Variants in TOMM20L observed in about 807,000 individuals in gnomAD.
The protein encoded by TOMM20L is TOMM20-like protein 1.
Under a neutral mutation model 20.4 loss-of-function variants are expected in TOMM20L, and 19 were observed. That is an observed-to-expected ratio of 0.93 (90% confidence interval 0.65 to 1.36). TOMM20L has a LOEUF of 1.36. Ranked by LOEUF, TOMM20L falls within the 40% of genes most tolerant of loss-of-function variation. The pLI is 0.00. For missense variants in TOMM20L, 218 were observed against 203.7 expected (o/e 1.07, Z -0.43); for synonymous variants, 75 against 79.6 (o/e 0.94, Z 0.30).
At chr14:58,399,920 A>ATATATC (rs2035972643) in intron 2 of TOMM20L, among the ~76,000 whole-genome samples, 1 of 138,444 alleles carries the variant, frequency 7.2e-6, no homozygotes, top group Non-Finnish European at 1.6e-5. Flanking sequence ...ATATATATAT[A>ATATATC]TATATATATT....
At chr14:58,407,275 C>T in intron 3 of TOMM20L, 51 bp from the exon 4 acceptor site, 1 of 1,523,216 alleles carries the variant, frequency 6.6e-7, no homozygotes, top group Non-Finnish European at 8.8e-7. Flanking sequence ...TGTAGAATGT[C>T]TGTTTTAAAG....
downstream of TOMM20L, among the ~76,000 whole-genome samples, chr14:58,412,981 A>G (rs1009533176): frequency 2.0e-5 from 3 of 152,174 alleles, no homozygotes; most frequent in Non-Finnish European, 4.4e-5. Flanking sequence ...AAATTACTTA[A>G]CTATTCCACT....
intron 4 of TOMM20L, among the ~76,000 whole-genome samples, chr14:58,408,119 T>C (rs1295295956): frequency 2.6e-5 from 4 of 152,038 alleles, no homozygotes; most frequent in African/African-American, 4.8e-5. Flanking sequence ...TATACGAAAA[T>C]GTAGGTAAGA....
At chr14:58,408,425 A>AG in intron 4 of TOMM20L, 104 bp from the exon 5 acceptor site, 1 of 1,108,794 alleles carries the variant, frequency 9.0e-7, no homozygotes, top group Admixed American at 2.4e-5. Flanking sequence ...CTCAAAAAAA[A>AG]AAAAAAAGAA....
chr14:58,408,894 G>T, downstream of TOMM20L: 1 of 1,269,658 alleles, frequency 7.9e-7, no homozygotes, highest in Non-Finnish European at 1.1e-6. Flanking sequence ...TTCTCCAGCG[G>T]TTTCCATTTG....
chr14:58,397,036 G>A (rs1340888941), intron 2 of TOMM20L, among the ~76,000 whole-genome samples: 2 of 152,238 alleles, frequency 1.3e-5, no homozygotes, highest in Admixed American at 1.3e-4. Context: ...GGCAGTTGCA[G>A]CCTGGGCGAC....
intron 2 of TOMM20L, among the ~76,000 whole-genome samples, chr14:58,399,711 G>A (rs1004919085): frequency 4.6e-5 from 7 of 151,370 alleles, no homozygotes; most frequent in Non-Finnish European, 8.8e-5. Flanking sequence ...TCACCTTAGT[G>A]TGTCCCGAAG....
downstream of TOMM20L, chr14:58,409,291 G>C (rs2036132273): frequency 1.9e-6 from 2 of 1,076,390 alleles, no homozygotes; most frequent in East Asian, 2.7e-5. Flanking sequence ...GAATTAAATA[G>C]TACTAATTGG....
At chr14:58,411,521 A>G (rs1009896893), downstream of TOMM20L, among the ~76,000 whole-genome samples, 1 of 151,652 alleles carries the variant, frequency 6.6e-6, no homozygotes, top group African/African-American at 2.4e-5. Flanking sequence ...AATAGAAACA[A>G]TTGTTTTGTG....
intron 2 of TOMM20L, 100 bp downstream of exon 2, chr14:58,396,441 C>G: frequency 2.3e-6 from 3 of 1,326,760 alleles, no homozygotes; most frequent in Admixed American, 2.0e-5. Flanking sequence ...TAGTTAGTTC[C>G]CTCAGCCGCC....
At position 58,395,957 on chromosome 14, in the gene TOMM20L, G is replaced by A; in HGVS notation, c.-1G>A. 7.0e-7 allele frequency: 1 copy of A among 1,421,704 alleles called. No homozygotes were observed. Among genetic ancestry groups the A allele is most frequent in the South Asian group, 1.6e-5 (1 of 61,666 alleles). The allele number at this position is 1,421,704 out of a possible 1,614,324, so 88.1% of individuals were successfully genotyped here. On this transcript the variant is annotated 5_prime_UTR_variant, in exon 1 of 5. Transcript: ENST00000360945. ...TCGGCTTGTGGGACGCCCGCGGTCG[G>A]ATGCCCTCCGTCCGCTCCCTCCTCC...
chr14:58,408,346 G>C (rs903319271), intron 4 of TOMM20L, 183 bp from the exon 5 acceptor site: 2 of 565,670 alleles, frequency 3.5e-6, no homozygotes, highest in African/African-American at 3.9e-5. Context: ...GAACTGGGGA[G>C]GTGGAGGTTG....
chr14:58,395,979 C>A lies in TOMM20L; in HGVS notation c.22C>A (p.Leu8Ile). 1 of 1,452,710 alleles carries A rather than the reference C, an allele frequency of 6.9e-7. No homozygotes were observed. The highest frequency in any genetic ancestry group is 1.5e-5 in the African/African-American group (1 of 68,482). 90.0% of individuals were successfully genotyped at this position (1,452,710 alleles called of 1,614,324 possible). A position where few individuals can be genotyped will look rare whatever the true frequency, so the allele number is the denominator to read the frequency against. Residue 8 changes from leucine to isoleucine, a missense_variant, in exon 1 of 5, where the codon CTC becomes ATC. Physicochemically the swap from Leu to Ile is conservative, Grantham distance 5. Transcript: ENST00000360945. ...TCGGATGCCCTCCGTCCGCTCCCTC[C>A]TCCGCCTCTTGGCCGCCGCGGCGGC... is the stretch of plus-strand genomic sequence containing the variant. MPSVRSL[L>I]RLLAAAAACG...
At chr14:58,406,967 C>T (rs974333159) in intron 3 of TOMM20L, among the ~76,000 whole-genome samples, 2 of 152,052 alleles carry the variant, frequency 1.3e-5, no homozygotes, top group Non-Finnish European at 2.9e-5. Context: ...TTTTCAATCA[C>T]ACATGTAAAG....
At chr14:58,416,465 G>A in the TOMM20L span, among the ~76,000 whole-genome samples, 1 of 152,080 alleles carries the variant, frequency 6.6e-6, no homozygotes, top group Admixed American at 6.6e-5. Flanking sequence ...AGAAATAAAG[G>A]AGAAATCAAG....
intron 3 of TOMM20L, among the ~76,000 whole-genome samples, chr14:58,404,099 G>GTGTGTGTGTATA (rs1408980666): frequency 4.4e-5 from 1 of 22,928 alleles, no homozygotes; most frequent in Non-Finnish European, 8.3e-5. Flanking sequence ...ACATATATAT[G>GTGTGTGTGTATA]TATATATATA....
At chr14:58,402,611 A>C in intron 2 of TOMM20L, 69 bp from the exon 3 acceptor site, 1 of 1,255,508 alleles carries the variant, frequency 8.0e-7, no homozygotes, top group Non-Finnish European at 1.2e-6. Context: ...TTAAATAAAA[A>C]ATAATTTGAT....
chr14:58,411,571 GCT>G (rs2036217390), downstream of TOMM20L, among the ~76,000 whole-genome samples: 1 of 150,374 alleles, frequency 6.7e-6, no homozygotes, highest in Non-Finnish European at 1.5e-5. Context: ...ATGGAGTCTT[GCT>G]CTGTCACCCA....
At position 58,402,693 on chromosome 14, in the gene TOMM20L, C is replaced by T. The variant is rs753246686; in HGVS notation, c.194C>T (p.Thr65Met). Reference protein sequence around the residue: ...EEQGTQLWDPTKNKKLQELFL... With the variant: ...EEQGTQLWDPMKNKKLQELFL... ...TGAATATTTTAGTTGTGGGATCCAACGAAGAATAAAAAGTTGCAAGAACTT... is the reference window on the plus strand; with the variant it reads ...TGAATATTTTAGTTGTGGGATCCAATGAAGAATAAAAAGTTGCAAGAACTT... Residue 65 changes from threonine to methionine, a missense_variant, in exon 3 of 5, where the codon ACG becomes ATG. Coordinates refer to ENST00000360945, the MANE Select transcript of TOMM20L (RefSeq NM_207377.3). The T allele has an allele frequency of 2.3e-5, 37 of 1,612,830 alleles. No individual in the cohort carries two copies. In the South Asian group the frequency reaches 2.3e-4, roughly 10 times the overall value.
Sources: gnomAD v4.1 joint callset for allele counts (sites outside exome capture counted in the v4.1 genomes callset) on GRCh38, gnomAD v4.1.1 for gene constraint, MANE v1.5 for transcripts, NCBI Gene and HGNC (gene_info 2026-07-23, HGNC 2026-07-21) for gene names.